CDH20: variants seen among roughly 807,000 people sequenced by gnomAD.
The protein encoded by CDH20 is cadherin-20.
Under a neutral mutation model 74.2 loss-of-function variants are expected in CDH20, and 29 were observed. The observed-to-expected ratio is 0.39, with a 90% CI of 0.29 to 0.53. The LOEUF (loss-of-function observed/expected upper bound fraction) is 0.53, where lower values mean the gene tolerates loss of function less well. Ranked by LOEUF, CDH20 falls within the 20% of genes least tolerant of loss-of-function variation. The pLI is 0.69. For synonymous variants in CDH20, 469 were observed against 405.4 expected, an observed-to-expected ratio of 1.16 and a Z score of -1.88; for missense variants, 988 against 1,048.3, an observed-to-expected ratio of 0.94 and a Z score of 0.79.
chr18:61,492,737 C>G (rs1911003607), intron 2 of CDH20, among the ~76,000 whole-genome samples: 1 of 152,242 alleles, frequency 6.6e-6, no homozygotes. Flanking sequence ...CTGTTAGACT[C>G]TCTTTCACAG....
chr18:61,460,423 G>A (rs1459998608), intron 1 of CDH20, among the ~76,000 whole-genome samples: 1 of 152,170 alleles, frequency 6.6e-6, no homozygotes, highest in Non-Finnish European at 1.5e-5. Flanking sequence ...AAAGTAAGAA[G>A]CTGAGTAAGA....
intron 1 of CDH20, among the ~76,000 whole-genome samples, chr18:61,475,635 C>A (rs981038957): frequency 6.6e-6 from 1 of 152,236 alleles, no homozygotes; most frequent in Non-Finnish European, 1.5e-5. Context: ...CTTTAGACAT[C>A]CTTAAAAGTA....
chr18:61,477,260 G>A (rs184458961), intron 1 of CDH20, among the ~76,000 whole-genome samples: 45 of 152,264 alleles, frequency 3.0e-4, no homozygotes, highest in Non-Finnish European at 5.1e-4. Flanking sequence ...AGAAGACAAT[G>A]TTGCATCTCA....
chr18:61,510,977 T>C (rs1302621886), intron 6 of CDH20, among the ~76,000 whole-genome samples: 2 of 11,080 alleles, frequency 1.8e-4, no homozygotes, highest in African/African-American at 8.6e-4. Flanking sequence ...TCTTTCTTTC[T>C]TTCTTTTTTT....
At chr18:61,500,625 C>A in intron 4 of CDH20, 123 bp downstream of exon 4, 1 of 1,028,836 alleles carries the variant, frequency 9.7e-7, no homozygotes, top group Non-Finnish European at 1.4e-6. Flanking sequence ...GAGAAGACTG[C>A]TCTTAGCTTT....
intron 10 of CDH20, 85 bp downstream of exon 10, chr18:61,545,229 AAAGGC>A (rs1218925722): frequency 1.2e-6 from 1 of 844,862 alleles, no homozygotes; most frequent in Non-Finnish European, 2.1e-6. Context: ...AAACAGTGTC[AAAGGC>A]TACCTGTTCC....
chr18:61,345,484 G>A (rs533052263), intron 1 of CDH20, among the ~76,000 whole-genome samples: 13 of 152,188 alleles, frequency 8.5e-5, no homozygotes, highest in South Asian at 8.3e-4. Flanking sequence ...TTCACAACCC[G>A]CCCAGGTACA....
intron 1 of CDH20, among the ~76,000 whole-genome samples, chr18:61,340,777 C>A (rs1018658995): frequency 6.6e-6 from 1 of 152,082 alleles, no homozygotes; most frequent in Non-Finnish European, 1.5e-5. Context: ...ATGAACTTAA[C>A]CATAATTTGT....
chr18:61,440,742 C>A (rs1213435297), intron 1 of CDH20, among the ~76,000 whole-genome samples: 2 of 152,128 alleles, frequency 1.3e-5, no homozygotes, highest in African/African-American at 2.4e-5. Flanking sequence ...CTCTCCCCTT[C>A]AACAGGCCAG....
At chr18:61,386,868 A>T (rs1911617872) in intron 1 of CDH20, among the ~76,000 whole-genome samples, 1 of 152,218 alleles carries the variant, frequency 6.6e-6, no homozygotes, top group Non-Finnish European at 1.5e-5. Context: ...TAAGAGAAAA[A>T]GATTGAAAGT....
At chr18:61,354,716 T>C (rs1910440002) in intron 1 of CDH20, among the ~76,000 whole-genome samples, 1 of 152,174 alleles carries the variant, frequency 6.6e-6, no homozygotes, top group Admixed American at 6.5e-5. Flanking sequence ...AGTAACCCCC[T>C]GTGCATGAAA....
intron 1 of CDH20, among the ~76,000 whole-genome samples, chr18:61,339,549 G>C (rs1314376956): frequency 6.6e-6 from 1 of 151,988 alleles, no homozygotes; most frequent in Admixed American, 6.6e-5. Context: ...TTACGTTCAT[G>C]TATTAAGTGC....
rs527770242 is a variant in CDH20, at chr18:61,460,806, T to G, written c.-152-29596T>G. On this transcript the variant is annotated intron_variant, in intron 1 of 11. Coordinates refer to ENST00000262717, the MANE Select transcript of CDH20 (RefSeq NM_031891.4). The stretch of plus-strand genomic sequence containing the variant: ...TGTGATTTTCTCTTCTTTTTGCCAT[T>G]GTTTTCAATAATTAGATGTCCTAGA... Among the ~76,000 whole-genome samples, 6 of 152,346 alleles carry G rather than the reference T, an allele frequency of 3.9e-5. No individual in the cohort carries two copies. In the East Asian group the frequency reaches 1.2e-3, roughly 29 times the overall value.
chr18:61,372,711 G>A (rs975955089), intron 1 of CDH20, among the ~76,000 whole-genome samples: 1 of 152,112 alleles, frequency 6.6e-6, no homozygotes, highest in African/African-American at 2.4e-5. Flanking sequence ...AAACAGCTAC[G>A]CTTGTTGATT....
At chr18:61,396,936 G>A (rs1912001422) in intron 1 of CDH20, among the ~76,000 whole-genome samples, 1 of 152,146 alleles carries the variant, frequency 6.6e-6, no homozygotes, top group East Asian at 1.9e-4. Flanking sequence ...ATTGCTGTCT[G>A]TTTATCCCTT....
At chr18:61,496,151 C>A (rs1599125427) in intron 2 of CDH20, among the ~76,000 whole-genome samples, 1 of 48,276 alleles carries the variant, frequency 2.1e-5, no homozygotes, top group African/African-American at 8.8e-5. Flanking sequence ...CTCTCCTCCT[C>A]TCTCCTCCCC....
intron 5 of CDH20, among the ~76,000 whole-genome samples, chr18:61,507,143 C>A (rs1911594672): frequency 6.6e-6 from 1 of 152,200 alleles, no homozygotes; most frequent in South Asian, 2.1e-4. Context: ...TCACCCTGTT[C>A]TACTGAAGCC....
intron 1 of CDH20, among the ~76,000 whole-genome samples, chr18:61,385,309 AT>A (rs1172461055): frequency 2.0e-5 from 3 of 152,202 alleles, no homozygotes; most frequent in Non-Finnish European, 4.4e-5. Flanking sequence ...AGAACAAAAA[AT>A]AAAACAGATT....
chr18:61,339,763 C>T (rs1195065995), intron 1 of CDH20, among the ~76,000 whole-genome samples: 1 of 136,448 alleles, frequency 7.3e-6, no homozygotes, highest in South Asian at 2.5e-4. Flanking sequence ...TCTTGGCTCA[C>T]TGCAAGCTCC....
Sources: allele counts gnomAD v4.1 joint callset (sites outside exome capture counted in the v4.1 genomes callset), GRCh38; gene constraint gnomAD v4.1.1; transcripts MANE v1.5; gene names NCBI Gene and HGNC (gene_info 2026-07-23, HGNC 2026-07-21).